The following FLRT2 variants were observed in gnomAD, a reference collection of about 807,000 sequenced individuals.
The protein encoded by FLRT2 is fibronectin leucine rich transmembrane protein 2.
In FLRT2, 15 loss-of-function variants were observed where a neutral mutation model predicts 40.0. The ratio of observed to expected loss-of-function variants is 0.38; its 90% CI spans 0.25 to 0.58. The LOEUF (loss-of-function observed/expected upper bound fraction) is 0.58, where lower values mean the gene tolerates loss of function less well. Among genes scored for constraint, FLRT2 ranks in the 20% least tolerant of loss-of-function variants. The pLI is 0.71. For missense variants in FLRT2, 726 were observed against 840.0 expected (o/e 0.86, Z 1.68); for synonymous variants, 380 against 336.8 (o/e 1.13, Z -1.41).
Position 85,645,873 on chromosome 14 carries a change from C to T in FLRT2, c.*22376C>T, listed in dbSNP as rs966048746. On this transcript the variant is annotated 3_prime_UTR_variant, in exon 2 of 2. Coordinates refer to ENST00000330753, the MANE Select transcript of FLRT2 (RefSeq NM_013231.6). The stretch of plus-strand genomic sequence containing the variant: ...AGTCAATACTGAGTACCTAAGAGCC[C>T]AATTCTGATACTCTCATATTGCACT... The T allele has an allele frequency of 6.6e-6, 1 of 152,062 alleles. No homozygotes were observed. The highest frequency in any genetic ancestry group is 2.4e-5 in the African/African-American group (1 of 41,406). 9.4% of individuals were successfully genotyped at this position (152,062 alleles called of 1,614,324 possible). A position where few individuals can be genotyped will look rare whatever the true frequency, so the allele number is the denominator to read the frequency against.
At chr14:85,541,750 T>C (rs1888995446) in intron 1 of FLRT2, among the ~76,000 whole-genome samples, 1 of 152,162 alleles carries the variant, frequency 6.6e-6, no homozygotes, top group Non-Finnish European at 1.5e-5. Flanking sequence ...GGTCCTAACT[T>C]GGACTTTATT....
intron 1 of FLRT2, among the ~76,000 whole-genome samples, chr14:85,573,380 T>C (rs950824586): frequency 6.6e-6 from 1 of 152,156 alleles, no homozygotes; most frequent in African/African-American, 2.4e-5. Flanking sequence ...TATTTTTAGG[T>C]CAGTGCAATT....
At chr14:85,585,385 G>C (rs1238861458) in intron 1 of FLRT2, among the ~76,000 whole-genome samples, 1 of 152,120 alleles carries the variant, frequency 6.6e-6, no homozygotes, top group Non-Finnish European at 1.5e-5. Flanking sequence ...CTGCGTTCAG[G>C]CTGCCTTCCC....
Position 85,547,018 on chromosome 14 carries a change from G to A in FLRT2, c.-377+16484G>A, listed in dbSNP as rs1012191144. On this transcript the variant is annotated intron_variant, in intron 1 of 1. Transcript: ENST00000330753. ...CAAATTTCTGTTTTGATTATCCTGG[G>A]GTCATTGTAATTAAGCCCATATTTC... 3.4e-4 allele frequency among the ~76,000 whole-genome samples: 52 copies of A among 151,932 alleles called. 1 individual carries two copies. Among genetic ancestry groups the A allele is most frequent in the Non-Finnish European group, 1.5e-5 (1 of 68,008 alleles).
intron 1 of FLRT2, among the ~76,000 whole-genome samples, chr14:85,572,662 G>A (rs1430119425): frequency 2.0e-5 from 3 of 152,174 alleles, no homozygotes; most frequent in Admixed American, 6.5e-5. Flanking sequence ...GTCCCTGTAA[G>A]TATATGGTGA....
rs929486455 is a variant in FLRT2, at chr14:85,648,141, T to C, written c.*24644T>C. On this transcript the variant is annotated 3_prime_UTR_variant, in exon 2 of 2. Transcript: ENST00000330753. ...CTATAGATTCAGTGACTAACAAAAT[T>C]TGGGGACAGTGTAAGCCTCATTCTA... 13 of 152,116 alleles carry C rather than the reference T, an allele frequency of 8.5e-5. No individual in the cohort carries two copies. Among genetic ancestry groups the C allele is most frequent in the African/African-American group, 2.9e-4 (12 of 41,436 alleles). The allele number at this position is 152,116 out of a possible 1,614,324, so 9.4% of individuals were successfully genotyped here.
intron 1 of FLRT2, among the ~76,000 whole-genome samples, chr14:85,605,684 G>A (rs1316425046): frequency 6.6e-6 from 1 of 151,992 alleles, no homozygotes; most frequent in Admixed American, 6.6e-5. Flanking sequence ...GCAGGAGAAT[G>A]GCATGAACTG....
At chr14:85,600,343 A>G (rs1163071843) in intron 1 of FLRT2, among the ~76,000 whole-genome samples, 1 of 152,164 alleles carries the variant, frequency 6.6e-6, no homozygotes, top group African/African-American at 2.4e-5. Flanking sequence ...GAATGTTCTA[A>G]TTGGGTTAAA....
intron 1 of FLRT2, among the ~76,000 whole-genome samples, chr14:85,595,022 ATCT>A (rs762411673): frequency 2.0e-5 from 3 of 152,172 alleles, no homozygotes; most frequent in Non-Finnish European, 2.9e-5. Flanking sequence ...CTTTATCCTC[ATCT>A]TCTTCACATT....
At chr14:85,563,884 A>G (rs1387819981) in intron 1 of FLRT2, among the ~76,000 whole-genome samples, 1 of 152,204 alleles carries the variant, frequency 6.6e-6, no homozygotes, top group African/African-American at 2.4e-5. Flanking sequence ...GACCATGAGT[A>G]TGTCTGCTAT....
At chr14:85,599,306 G>A (rs1000568692) in intron 1 of FLRT2, among the ~76,000 whole-genome samples, 4 of 145,710 alleles carry the variant, frequency 2.7e-5, no homozygotes, top group Non-Finnish European at 6.0e-5. Context: ...TAGGCTAAAA[G>A]TATTTGCAAG....
At chr14:85,602,240 G>A (rs1470074103) in intron 1 of FLRT2, among the ~76,000 whole-genome samples, 1 of 152,160 alleles carries the variant, frequency 6.6e-6, no homozygotes, top group African/African-American at 2.4e-5. Context: ...GTACCTACTT[G>A]ATTTTCTTTA....
At chr14:85,582,667 T>A (rs1891443027) in intron 1 of FLRT2, among the ~76,000 whole-genome samples, 1 of 152,204 alleles carries the variant, frequency 6.6e-6, no homozygotes, top group East Asian at 1.9e-4. Context: ...CAGTAAACCA[T>A]AGCTATTGCC....
Position 85,541,016 on chromosome 14 carries a change from A to G in FLRT2, c.-377+10482A>G, listed in dbSNP as rs368842400. ...TAAGTCTTATGTACTATGGGGAGGA[A>G]GTATGGTTATAGCCTGAAGCTAGGT... On this transcript the variant is annotated intron_variant, in intron 1 of 1. Transcript: ENST00000330753. Among the ~76,000 whole-genome samples the G allele has an allele frequency of 1.2e-4, 19 of 152,266 alleles. 1 individual carries two copies. In the South Asian group the frequency reaches 3.9e-3, roughly 32 times the overall value.
At chr14:85,575,426 A>C (rs1053239472) in intron 1 of FLRT2, among the ~76,000 whole-genome samples, 3 of 152,160 alleles carry the variant, frequency 2.0e-5, no homozygotes, top group Non-Finnish European at 4.4e-5. Flanking sequence ...GGAGTTCTGC[A>C]GCTCAAAAAC....
rs1893968496 is a variant in FLRT2 at position 85,634,984 on chromosome 14, T to C, written c.*11487T>C. The stretch of plus-strand genomic sequence containing the variant: ...TTTAGATTTGGTTCATTGGACTGAT[T>C]TGTGTTCTGTGTGCTTTTAAAATTC... On this transcript the variant is annotated 3_prime_UTR_variant, in exon 2 of 2. Transcript: ENST00000330753. 2 of 152,208 alleles carry C rather than the reference T, an allele frequency of 1.3e-5. No individual in the cohort carries two copies. Among genetic ancestry groups the C allele is most frequent in the African/African-American group, 4.8e-5 (2 of 41,460 alleles). The allele number at this position is 152,208 out of a possible 1,614,324, so 9.4% of individuals were successfully genotyped here. A position where few individuals can be genotyped will look rare whatever the true frequency, so the allele number is the denominator to read the frequency against.
At chr14:85,608,712 A>G (rs1171576012) in intron 1 of FLRT2, among the ~76,000 whole-genome samples, 1 of 152,176 alleles carries the variant, frequency 6.6e-6, no homozygotes, top group East Asian at 1.9e-4. Flanking sequence ...GACATTCTTC[A>G]GCAATGTTTC....
Position 85,631,953 on chromosome 14 carries a change from GT to G in FLRT2, c.*8457del, listed in dbSNP as rs1893885946. On this transcript the variant is annotated 3_prime_UTR_variant, in exon 2 of 2. Coordinates refer to ENST00000330753, the MANE Select transcript of FLRT2 (RefSeq NM_013231.6). The stretch of plus-strand genomic sequence containing the variant: ...CAATTCTCCTGCCTCAGCCTCCTGC[GT>G]AGCTGGGACTACAGGCGTGCACCAC... The G allele has an allele frequency of 6.6e-6, 1 of 151,966 alleles. No homozygotes were observed. The highest frequency in any genetic ancestry group is 1.5e-5 in the Non-Finnish European group (1 of 68,162). 9.4% of individuals were successfully genotyped at this position (151,966 alleles called of 1,614,324 possible). A position where few individuals can be genotyped will look rare whatever the true frequency, so the allele number is the denominator to read the frequency against.
chr14:85,604,488 C>G (rs555983159), intron 1 of FLRT2, among the ~76,000 whole-genome samples: 1 of 152,152 alleles, frequency 6.6e-6, no homozygotes, highest in East Asian at 1.9e-4. Context: ...TCATAATTCA[C>G]AGTAGTATTG....
Sources: allele counts gnomAD v4.1 joint callset (sites outside exome capture counted in the v4.1 genomes callset), GRCh38; gene constraint gnomAD v4.1.1; transcripts MANE v1.5; gene names NCBI Gene and HGNC (gene_info 2026-07-23, HGNC 2026-07-21).